The following HERC2 variants were observed in gnomAD, a reference collection of about 807,000 sequenced individuals.
HERC2 encodes E3 ubiquitin-protein ligase HERC2.
A neutral mutation model predicts 537.7 loss-of-function variants in HERC2; 102 were observed. That is an observed-to-expected ratio of 0.19 (90% CI 0.16 to 0.22). The LOEUF (loss-of-function observed/expected upper bound fraction) is 0.22, where lower values mean the gene tolerates loss of function less well. Among genes scored for constraint, HERC2 ranks in the 10% least tolerant of loss-of-function variants. The probability of loss-of-function intolerance (pLI) is 1.00; values close to 1 mark genes in which losing one functional copy is unlikely to be tolerated. For missense variants in HERC2, 4,236 were observed against 6,198.2 expected (o/e 0.68, Z 10.63); for synonymous variants, 2,224 against 2,466.2 (o/e 0.90, Z 2.91).
chr15:28,143,848 G>A, intron 74 of HERC2, 25 bp downstream of exon 74: 4 of 1,613,696 alleles, frequency 2.5e-6, no homozygotes, highest in Non-Finnish European at 2.5e-6. Context: ...CACAAATCTA[G>A]AAATTGTACT....
chr15:28,177,171 T>C lies in HERC2; in HGVS notation c.9255-44A>G. On this transcript the variant is annotated intron_variant, in intron 60 of 92. Coordinates refer to ENST00000261609, the MANE Select transcript of HERC2 (RefSeq NM_004667.6). This position sits in a 1 kb window ranked among gnomAD's most constrained non-coding sequence, Gnocchi z 5.0. The stretch of plus-strand genomic sequence containing the variant: ...AGCTCTCTACAGTCAATCTGTCCCT[T>C]CTTAGAGATGAAGGAAAAAAGACAT... 6.4e-7 allele frequency: 1 copy of C among 1,566,870 alleles called. No homozygotes were observed. The highest frequency in any genetic ancestry group is 8.7e-7 in the Non-Finnish European group (1 of 1,151,718).
At position 28,260,806 on chromosome 15, in the gene HERC2, T is replaced by C. The variant is rs779252758; in HGVS notation, c.2287A>G (p.Ile763Val). The change falls in exon 16 of 93, where the codon ATA becomes GTA. Residue 763 changes from isoleucine to valine, a missense_variant. Ile to Val is a conservative substitution (Grantham distance 29). This residue lies in a region of HERC2 where 754 missense variants were observed against 1,085.0 expected (regional missense o/e 0.69). Transcript: ENST00000261609. ...AALPGLDTKH[I>V]VGIACGPAQS... is the part of the protein sequence containing the mutation. ...GCAGGCCCACAGGCAATTCCCACTA[T>C]GTGTTTGGTGTCCAGTCCTGGCAAT... The C allele has an allele frequency of 2.5e-6, 4 of 1,614,242 alleles. No individual in the cohort carries two copies. The Admixed American group carries it at 5.0e-5, about 20-fold the overall frequency.
intron 84 of HERC2, among the ~76,000 whole-genome samples, chr15:28,124,549 T>C (rs1889268990): frequency 9.7e-6 from 1 of 102,974 alleles, no homozygotes; most frequent in Admixed American, 1.3e-4. Context: ...CACAGAATAT[T>C]GGCTGGCATG....
At chr15:28,208,357 T>TACAAGA (rs1237115179) in intron 44 of HERC2, among the ~76,000 whole-genome samples, 1 of 152,094 alleles carries the variant, frequency 6.6e-6, no homozygotes, top group Non-Finnish European at 1.5e-5. Context: ...AGTTATCATC[T>TACAAGA]ACAAGACTAC....
At position 28,142,887 on chromosome 15, in the gene HERC2, A is replaced by G; in HGVS notation, c.11484T>C (p.Phe3828=). Residue 3828 remains phenylalanine, a synonymous_variant, in exon 75 of 93, where the codon TTT becomes TTC. Coordinates refer to ENST00000261609, the MANE Select transcript of HERC2 (RefSeq NM_004667.6). ...KGLPEALQRQ[F]EYEDPIVRGG... is the part of the protein sequence containing the mutation. ...CCCTCACAATAGGATCTTCATATTC[A>G]AACTGCCTTTGCAAAGCTTCTGGAA... 6.3e-7 allele frequency: 1 copy of G among 1,595,770 alleles called. No individual in the cohort carries two copies. The highest frequency in any genetic ancestry group is 1.3e-5 in the African/African-American group (1 of 74,572).
At chr15:28,258,552 G>A (rs2075330140) in intron 16 of HERC2, among the ~76,000 whole-genome samples, 1 of 152,060 alleles carries the variant, frequency 6.6e-6, no homozygotes, top group Non-Finnish European at 1.5e-5. Context: ...GAACATACAT[G>A]AAAATGCGCC....
At chr15:28,250,249 A>G (rs1904175188) in intron 20 of HERC2, among the ~76,000 whole-genome samples, 1 of 152,188 alleles carries the variant, frequency 6.6e-6, no homozygotes, top group African/African-American at 2.4e-5. Context: ...CAGAGGAGCC[A>G]GGGTTGGGGA....
At chr15:28,172,312 A>C (rs1894786639) in intron 65 of HERC2, among the ~76,000 whole-genome samples, 1 of 152,200 alleles carries the variant, frequency 6.6e-6, no homozygotes, top group African/African-American at 2.4e-5. Flanking sequence ...AAGGGCCTAC[A>C]ACAGCCAACA....
intron 69 of HERC2, among the ~76,000 whole-genome samples, chr15:28,157,631 CTCTTT>C (rs1335317062): frequency 6.6e-5 from 10 of 152,226 alleles, no homozygotes; most frequent in Admixed American, 5.9e-4. Context: ...TGATTCTTCT[CTCTTT>C]TCTTATTAGT....
chr15:28,144,117 A>T lies in HERC2; in HGVS notation c.11259T>A (p.Leu3753=). The T allele has an allele frequency of 6.2e-7, 1 of 1,614,210 alleles. No homozygotes were observed. Residue 3753 remains leucine, a synonymous_variant, in exon 73 of 93, where the codon CTT becomes CTA. Transcript: ENST00000261609. The part of the protein sequence containing the change: ...LASNRSIVPR[L]AASLAACAQL... The stretch of plus-strand genomic sequence containing the variant: ...GTGCACAAGCTGCCAGCGAGGCCGC[A>T]AGGCGAGGGACGATGCTTCTGTTAG...
rs1891305964 is a variant in HERC2 at position 28,142,279 on chromosome 15, G to C, written c.11659C>G (p.Leu3887Val). 1 of 1,614,184 alleles carries C rather than the reference G, an allele frequency of 6.2e-7. No homozygotes were observed. Among genetic ancestry groups the C allele is most frequent in the Non-Finnish European group, 8.5e-7 (1 of 1,180,034 alleles). The change falls in exon 76 of 93, where the codon CTT (leucine) becomes GTT (valine). Residue 3887 changes from leucine to valine, a missense_variant. Transcript: ENST00000261609. ...YCMASRVAVA[L>V]DKRTPLPRLF... is the part of the protein sequence containing the mutation. ...CGGGGCAACGGTGTTCTTTTGTCAA[G>C]GGCCACAGCAACACGGGAGGCCATG... is the stretch of plus-strand genomic sequence containing the variant.
chr15:28,293,095 C>T (rs1486858875), intron 3 of HERC2, 73 bp from the exon 4 acceptor site: 8 of 1,407,248 alleles, frequency 5.7e-6, no homozygotes, highest in Middle Eastern at 2.6e-4. Context: ...GCAAATGTCC[C>T]TCCCCGAAAA....
At position 28,245,890 on chromosome 15, in the gene HERC2, C is replaced by T. The variant is rs1269360638; in HGVS notation, c.3568G>A (p.Gly1190Ser). The T allele has an allele frequency of 1.9e-6, 3 of 1,613,748 alleles. No individual in the cohort carries two copies. Among genetic ancestry groups the T allele is most frequent in the South Asian group, 1.1e-5 (1 of 91,066 alleles). The change falls in exon 23 of 93, where the codon GGC becomes AGC. Residue 1190 changes from glycine to serine, a missense_variant. Physicochemically the swap from Gly to Ser is moderately conservative, Grantham distance 56. This residue lies in a region of HERC2 where 754 missense variants were observed against 1,085.0 expected (regional missense o/e 0.69). Coordinates refer to ENST00000261609, the MANE Select transcript of HERC2 (RefSeq NM_004667.6). Reference protein sequence around the residue: ...RDDHEELAWPGIMESFFTGQN... With the variant: ...RDDHEELAWPSIMESFFTGQN... ...CTTTAAGACGCCGTACCCATTATGCCAGGCCAGGCTAACTCTTCATGATCA... is the reference window on the plus strand; with the variant it reads ...CTTTAAGACGCCGTACCCATTATGCTAGGCCAGGCTAACTCTTCATGATCA...
Position 28,256,109 on chromosome 15 carries a change from G to C in HERC2, c.2726C>G (p.Ser909Cys), listed in dbSNP as rs1258890779. ...PTAEERARAL[S>C]ALLPCAVSGN... ...CCCACCTGCGCAGGGCAGGAGAGCAGAGAGTGCCCGGGCCCGCTCCTCCGC... is the reference window on the plus strand; with the variant it reads ...CCCACCTGCGCAGGGCAGGAGAGCACAGAGTGCCCGGGCCCGCTCCTCCGC... The change falls in exon 18 of 93, where the codon TCT becomes TGT. Residue 909 changes from serine (S) to cysteine (C), a missense_variant. Transcript: ENST00000261609. The C allele has an allele frequency of 2.5e-6, 4 of 1,602,958 alleles. No individual in the cohort carries two copies. The highest frequency in any genetic ancestry group is 2.5e-6 in the Non-Finnish European group (3 of 1,179,328).
chr15:28,173,287 T>C (rs1252853506), intron 65 of HERC2, among the ~76,000 whole-genome samples: 1 of 152,148 alleles, frequency 6.6e-6, no homozygotes, highest in Non-Finnish European at 1.5e-5. Context: ...CATTAGCAAT[T>C]TCACTTGTAT....
chr15:28,192,198 G>A (rs765716482), intron 52 of HERC2, 47 bp from the exon 53 acceptor site: 5 of 1,481,132 alleles, frequency 3.4e-6, no homozygotes, highest in Non-Finnish European at 3.7e-6. Context: ...CTGAACTGGG[G>A]AGAAACATCA....
At chr15:28,238,992 T>C (rs1567056457) in intron 23 of HERC2, among the ~76,000 whole-genome samples, 1 of 152,204 alleles carries the variant, frequency 6.6e-6, no homozygotes, top group Non-Finnish European at 1.5e-5. Context: ...AATTGGGCCA[T>C]GCCAGGCCAC....
At chr15:28,275,432 C>T (rs2075846025) in intron 5 of HERC2, among the ~76,000 whole-genome samples, 1 of 152,226 alleles carries the variant, frequency 6.6e-6, no homozygotes, top group Non-Finnish European at 1.5e-5. Context: ...GTCCTCCACT[C>T]GAGGTCTGCT....
intron 71 of HERC2, among the ~76,000 whole-genome samples, chr15:28,145,335 A>G (rs2142274683): frequency 1.3e-5 from 2 of 152,344 alleles, no homozygotes; most frequent in Middle Eastern, 6.8e-3. Flanking sequence ...ACTACACCTA[A>G]GATCTACAGG....
Sources: allele counts gnomAD v4.1 joint callset (sites outside exome capture counted in the v4.1 genomes callset), GRCh38; gene constraint gnomAD v4.1.1; regional missense constraint gnomAD v4.1.1; non-coding constraint Gnocchi (gnomAD v3.1); transcripts MANE v1.5; gene names NCBI Gene and HGNC (gene_info 2026-07-23, HGNC 2026-07-21).